The following NPAS3 variants were observed in gnomAD, a reference collection of about 807,000 sequenced individuals.
NPAS3 encodes the protein neuronal PAS domain protein 3.
A neutral mutation model predicts 73.1 loss-of-function variants in NPAS3; 14 were observed. That is an observed-to-expected ratio of 0.19 (90% CI 0.13 to 0.30). NPAS3 has a LOEUF of 0.30. Ranked by LOEUF, NPAS3 falls within the 10% of genes least tolerant of loss-of-function variation. The pLI is 1.00. For synonymous variants in NPAS3, 620 were observed against 541.5 expected, an observed-to-expected ratio of 1.14 and a Z score of -2.01; for missense variants, 1,096 against 1,250.0, an observed-to-expected ratio of 0.88 and a Z score of 1.86.
intron 7 of NPAS3, among the ~76,000 whole-genome samples, chr14:33,762,808 A>C (rs1478653478): frequency 6.6e-6 from 1 of 152,234 alleles, no homozygotes; most frequent in Non-Finnish European, 1.5e-5. Flanking sequence ...GGTGACACGC[A>C]CAAAAGTCAT....
At chr14:33,308,527 T>TATATATACACACACACACAC in intron 3 of NPAS3, among the ~76,000 whole-genome samples, 4 of 103,736 alleles carry the variant, frequency 3.9e-5, no homozygotes, top group African/African-American at 4.6e-5. Context: ...TATATATATA[T>TATATATACACACACACACAC]ACATACACAC....
intron 3 of NPAS3, among the ~76,000 whole-genome samples, chr14:33,311,354 T>C (rs921810177): frequency 6.6e-6 from 1 of 152,186 alleles, no homozygotes; most frequent in African/African-American, 2.4e-5. Context: ...CATAAAAGAA[T>C]ACATTTTATG....
intron 2 of NPAS3, among the ~76,000 whole-genome samples, chr14:33,197,529 A>T (rs965178204): frequency 6.6e-6 from 1 of 152,162 alleles, no homozygotes; most frequent in African/African-American, 2.4e-5. Flanking sequence ...TGTCAGAAAA[A>T]AAAAAGAGAA....
chr14:32,981,713 A>G (rs1238955673), intron 1 of NPAS3, among the ~76,000 whole-genome samples: 2 of 152,198 alleles, frequency 1.3e-5, no homozygotes, highest in Non-Finnish European at 2.9e-5. Context: ...GAGTTTTCTT[A>G]CGGCAGCACA....
At chr14:33,534,225 A>G (rs2140198346) in intron 4 of NPAS3, among the ~76,000 whole-genome samples, 1 of 152,172 alleles carries the variant, frequency 6.6e-6, no homozygotes, top group East Asian at 1.9e-4. Flanking sequence ...AGTAAAAAAA[A>G]AAAAAAAAAA....
intron 10 of NPAS3, among the ~76,000 whole-genome samples, chr14:33,795,763 A>G (rs2063494731): frequency 6.6e-6 from 1 of 152,216 alleles, no homozygotes; most frequent in South Asian, 2.1e-4. Flanking sequence ...GAGCTAAGCA[A>G]TCAGTCTCTG....
At chr14:33,028,227 T>C (rs530595042) in intron 1 of NPAS3, among the ~76,000 whole-genome samples, 7 of 152,306 alleles carry the variant, frequency 4.6e-5, no homozygotes, top group South Asian at 2.1e-4. Flanking sequence ...GCTTTCCCTT[T>C]AAAAATAACA....
intron 2 of NPAS3, among the ~76,000 whole-genome samples, chr14:33,084,712 G>A (rs1319870795): frequency 1.3e-5 from 2 of 152,092 alleles, no homozygotes; most frequent in Admixed American, 6.6e-5. Context: ...GACCCTTGAG[G>A]TTATTTTGAG....
At chr14:33,521,609 A>G (rs767517586) in intron 4 of NPAS3, among the ~76,000 whole-genome samples, 1 of 151,954 alleles carries the variant, frequency 6.6e-6, no homozygotes, top group Non-Finnish European at 1.5e-5. Flanking sequence ...TTCCAAAGGC[A>G]TTTCTATTCG....
intron 1 of NPAS3, among the ~76,000 whole-genome samples, chr14:32,977,061 CACACACAT>C: frequency 1.3e-5 from 2 of 151,874 alleles, no homozygotes; most frequent in South Asian, 4.2e-4. Flanking sequence ...CACACACACA[CACACACAT>C]ACACACACAC....
chr14:33,337,338 T>C (rs2044274152), intron 3 of NPAS3, among the ~76,000 whole-genome samples: 1 of 152,106 alleles, frequency 6.6e-6, no homozygotes, highest in African/African-American at 2.4e-5. Context: ...AGAAACATTG[T>C]TGGAAAGATC....
chr14:33,058,331 T>G (rs890020566), intron 2 of NPAS3, among the ~76,000 whole-genome samples: 3 of 152,188 alleles, frequency 2.0e-5, no homozygotes, highest in African/African-American at 7.2e-5. Context: ...AAGGGGTAAC[T>G]GTTTTGGAAG....
intron 9 of NPAS3, among the ~76,000 whole-genome samples, chr14:33,779,461 A>C (rs1380270122): frequency 3.3e-5 from 5 of 152,098 alleles, no homozygotes; most frequent in African/African-American, 1.2e-4. Context: ...ATGTCCCTGG[A>C]AGCTTCTAAC....
chr14:32,973,919 C>A (rs1283039491), intron 1 of NPAS3, among the ~76,000 whole-genome samples: 1 of 152,110 alleles, frequency 6.6e-6, no homozygotes, highest in African/African-American at 2.4e-5. Context: ...CTGAAATAGG[C>A]CATAAGGCAT....
chr14:33,730,610 G>A (rs1400449745), intron 6 of NPAS3, among the ~76,000 whole-genome samples: 1 of 152,152 alleles, frequency 6.6e-6, no homozygotes, highest in African/African-American at 2.4e-5. Context: ...CACATTCATT[G>A]ACTAAAGCAA....
intron 2 of NPAS3, among the ~76,000 whole-genome samples, chr14:33,136,066 T>TC (rs1566597554): frequency 1.4e-5 from 2 of 138,708 alleles, no homozygotes; most frequent in Admixed American, 6.9e-5. Context: ...TTCTTTTTTT[T>TC]TTTTTTTTTT....
At chr14:33,004,955 G>T (rs1456741125) in intron 1 of NPAS3, among the ~76,000 whole-genome samples, 1 of 151,482 alleles carries the variant, frequency 6.6e-6, no homozygotes, top group Non-Finnish European at 1.5e-5. Context: ...CCCACTGGAA[G>T]GTCTTCAGGG....
At chr14:33,803,711 A>T (rs2063767790), downstream of NPAS3, 1 of 1,266 alleles carries the variant, frequency 7.9e-4, no homozygotes, top group Non-Finnish European at 1.7e-3. Flanking sequence ...TTACAAAATG[A>T]AAAAAAAAAA....
At chr14:33,383,961 C>T (rs181977378) in intron 4 of NPAS3, among the ~76,000 whole-genome samples, 44 of 152,162 alleles carry the variant, frequency 2.9e-4, no homozygotes, top group African/African-American at 9.4e-4. Context: ...CAGCTGTTCT[C>T]TAGAGTATAA....
Sources: gnomAD v4.1 joint callset for allele counts (sites outside exome capture counted in the v4.1 genomes callset) on GRCh38, gnomAD v4.1.1 for gene constraint, MANE v1.5 for transcripts, NCBI Gene and HGNC (gene_info 2026-07-23, HGNC 2026-07-21) for gene names.